CCDC85C: variants seen among roughly 807,000 people sequenced by gnomAD.
The protein encoded by CCDC85C is coiled-coil domain-containing protein 85C.
A neutral mutation model predicts 38.3 loss-of-function variants in CCDC85C; 18 were observed. That is an observed-to-expected ratio of 0.47 (90% CI 0.33 to 0.70). The LOEUF is 0.70. Ranked by LOEUF, CCDC85C falls within the 30% of genes least tolerant of loss-of-function variation. The pLI is 0.03. For missense variants in CCDC85C, 566 were observed against 621.2 expected, an observed-to-expected ratio of 0.91 and a Z score of 0.94; for synonymous variants, 264 against 293.8, an observed-to-expected ratio of 0.90 and a Z score of 1.04.
intron 1 of CCDC85C, among the ~76,000 whole-genome samples, chr14:99,550,494 TTAGGCCACC>T (rs1897887328): frequency 6.6e-6 from 1 of 152,148 alleles, no homozygotes; most frequent in African/African-American, 2.4e-5. Flanking sequence ...TGTGTGTTGT[TTAGGCCACC>T]AGGGTGTAGT....
chr14:99,570,244 C>T (rs1238035007), intron 1 of CCDC85C, among the ~76,000 whole-genome samples: 2 of 152,212 alleles, frequency 1.3e-5, no homozygotes, highest in African/African-American at 4.8e-5. Context: ...GAAAGAGGCA[C>T]AGAGAAGTTC....
At chr14:99,525,998 C>T (rs1897377549) in intron 2 of CCDC85C, among the ~76,000 whole-genome samples, 1 of 152,228 alleles carries the variant, frequency 6.6e-6, no homozygotes, top group Non-Finnish European at 1.5e-5. Context: ...GGCCAGGGTC[C>T]AGGACCACAG....
chr14:99,568,250 A>ATT (rs3070390), intron 1 of CCDC85C, among the ~76,000 whole-genome samples: 5 of 126,928 alleles, frequency 3.9e-5, no homozygotes, highest in African/African-American at 6.0e-5. Flanking sequence ...CCTGCCCTTT[A>ATT]TTTTTTTTTT....
Position 99,555,590 on chromosome 14 carries a change from G to T in CCDC85C, c.794-19502C>A, listed in dbSNP as rs542753380. On this transcript the variant is annotated intron_variant, in intron 1 of 5. Transcript: ENST00000380243. ...AATCCTGAGTCCACGCTGATAAAAA[G>T]GCATCCATACATAGCTCACTGAGGG... Among the ~76,000 whole-genome samples the T allele has an allele frequency of 5.0e-4, 76 of 152,304 alleles. 1 individual carries two copies. Among genetic ancestry groups the T allele is most frequent in the African/African-American group, 1.8e-3 (74 of 41,564 alleles).
intron 1 of CCDC85C, among the ~76,000 whole-genome samples, chr14:99,564,129 T>G: frequency 6.6e-6 from 1 of 152,248 alleles, no homozygotes; most frequent in East Asian, 1.9e-4. Flanking sequence ...AGGCTGGACC[T>G]CACTCCCATT....
In CCDC85C at chr14:99,576,222, A is replaced by G. The variant is rs986610014; in HGVS notation, c.793+26945T>C. Among the ~76,000 whole-genome samples, 1 of 152,236 alleles carries G rather than the reference A, an allele frequency of 6.6e-6. No individual in the cohort carries two copies. Among genetic ancestry groups the G allele is most frequent in the East Asian group, 1.9e-4 (1 of 5,184 alleles). On this transcript the variant is annotated intron_variant, in intron 1 of 5. Transcript: ENST00000380243. The surrounding 1 kb of genome is among the most constrained non-coding windows in gnomAD (Gnocchi z 4.8). ...TGGGTGAGGATTTCAAGAGCCCTTC[A>G]GTAAAACTCAGAGCATGGCTGCTTT...
At chr14:99,530,503 C>T (rs1173867239) in intron 2 of CCDC85C, among the ~76,000 whole-genome samples, 1 of 152,196 alleles carries the variant, frequency 6.6e-6, no homozygotes, top group Non-Finnish European at 1.5e-5. Flanking sequence ...GGGCTCAGGA[C>T]AGCCCATCCT....
chr14:99,537,011 G>A (rs1168705272), intron 1 of CCDC85C, among the ~76,000 whole-genome samples: 1 of 152,170 alleles, frequency 6.6e-6, no homozygotes, highest in Non-Finnish European at 1.5e-5. Flanking sequence ...CACAGGCCGG[G>A]GGACCACCCA....
rs1310361272 is a variant in CCDC85C at position 99,603,877 on chromosome 14, T to C, written c.83A>G (p.Lys28Arg). The C allele has an allele frequency of 2.0e-6, 3 of 1,512,016 alleles. No individual in the cohort carries two copies. The highest frequency in any genetic ancestry group is 2.6e-6 in the Non-Finnish European group (3 of 1,136,530). 93.7% of individuals were successfully genotyped at this position (1,512,016 alleles called of 1,614,324 possible). The change falls in exon 1 of 6, where the codon AAG becomes AGG. Residue 28 changes from lysine to arginine, a missense_variant. Coordinates refer to ENST00000380243, the MANE Select transcript of CCDC85C (RefSeq NM_001144995.2). The surrounding 1 kb of genome is among the most constrained non-coding windows in gnomAD (Gnocchi z 7.5). ...VPDEELLRWSKEELARRLRRA... is the reference protein window; with the variant it reads ...VPDEELLRWSREELARRLRRA... The stretch of plus-strand genomic sequence containing the variant: ...CCGCAGCCGCCGCGCCAGCTCCTCC[T>C]TGCTCCAGCGCAGCAGCTCCTCGTC...
chr14:99,503,096 T>C lies in CCDC85C; in HGVS notation c.*12150A>G. On this transcript the variant is annotated 3_prime_UTR_variant, in exon 6 of 6. Transcript: ENST00000380243. ...CAGGGAACACCGGAAGCAGGGGGTGTTCGCCGAAACTCGCAGTCCGACTGC... is the reference window on the plus strand; with the variant it reads ...CAGGGAACACCGGAAGCAGGGGGTGCTCGCCGAAACTCGCAGTCCGACTGC... The C allele has an allele frequency of 7.9e-7, 1 of 1,264,266 alleles. No individual in the cohort carries two copies. Among genetic ancestry groups the C allele is most frequent in the Non-Finnish European group, 1.2e-6 (1 of 866,912 alleles). The allele number at this position is 1,264,266 out of a possible 1,614,324, so 78.3% of individuals were successfully genotyped here.
intron 1 of CCDC85C, among the ~76,000 whole-genome samples, chr14:99,579,738 G>A (rs866541292): frequency 2.6e-5 from 4 of 152,058 alleles, no homozygotes; most frequent in Non-Finnish European, 2.9e-5. Context: ...CCAGGGCAGC[G>A]GGGGAGAGGT....
chr14:99,509,510 A>ACACGCAGCACG lies in CCDC85C; in HGVS notation c.*5725_*5735dup, dbSNP rs1897062429. 1 of 151,984 alleles carries ACACGCAGCACG rather than the reference A, an allele frequency of 6.6e-6. No individual in the cohort carries two copies. The highest frequency in any genetic ancestry group is 2.5e-5 in the African/African-American group (1 of 40,460). The allele number at this position is 151,984 out of a possible 1,614,324, so 9.4% of individuals were successfully genotyped here. A position where few individuals can be genotyped will look rare whatever the true frequency, so the allele number is the denominator to read the frequency against. The stretch of plus-strand genomic sequence containing the variant: ...CCTGCTGCACACGCAGCACGCACAC[A>ACACGCAGCACG]CACGCAGCACGCACAGACATGCAGC... On this transcript the variant is annotated 3_prime_UTR_variant, in exon 6 of 6. Transcript: ENST00000380243.
At chr14:99,565,146 TG>T (rs1898191292) in intron 1 of CCDC85C, among the ~76,000 whole-genome samples, 1 of 152,152 alleles carries the variant, frequency 6.6e-6, no homozygotes, top group Non-Finnish European at 1.5e-5. Context: ...AACTAAAGCA[TG>T]GCCACTTGGG....
At chr14:99,529,882 C>T (rs1200027063) in intron 2 of CCDC85C, among the ~76,000 whole-genome samples, 1 of 152,220 alleles carries the variant, frequency 6.6e-6, no homozygotes, top group Non-Finnish European at 1.5e-5. Flanking sequence ...CCACCCTTAC[C>T]GCCAACCGCC....
rs565736148 is a variant in CCDC85C at position 99,538,980 on chromosome 14, G to A, written c.794-2892C>T. ...CACAGACAGGTGGCCACACACCCAC[G>A]GCCCCAGACCAAGGGGCTGCCCCTG... On this transcript the variant is annotated intron_variant, in intron 1 of 5. Transcript: ENST00000380243. Among the ~76,000 whole-genome samples, 19 of 152,242 alleles carry A rather than the reference G, an allele frequency of 1.2e-4. No individual in the cohort carries two copies. In the South Asian group the frequency reaches 2.3e-3, roughly 18 times the overall value.
At position 99,604,043 on chromosome 14, in the gene CCDC85C, CGCGGGCGGGGGGCGGCCGGGGGCGCGT is replaced by C; in HGVS notation, c.-111_-85del. 7 of 984,012 alleles carry C rather than the reference CGCGGGCGGGGGGCGGCCGGGGGCGCGT, an allele frequency of 7.1e-6. No individual in the cohort carries two copies. Among genetic ancestry groups the C allele is most frequent in the Non-Finnish European group, 8.4e-6 (7 of 831,346 alleles). 61.0% of individuals were successfully genotyped at this position (984,012 alleles called of 1,614,324 possible). On this transcript the variant is annotated 5_prime_UTR_variant, in exon 1 of 6. Transcript: ENST00000380243. ...CGGGGCTCCGCTGGGCCGGTCCGCG[CGCGGGCGGGGGGCGGCCGGGGGCGCGT>C]GCGGCCCGCCCCGCGCCGCCTGGCG...
In CCDC85C at chr14:99,545,982, G is replaced by A. The variant is rs1406646798; in HGVS notation, c.794-9894C>T. 6.6e-6 allele frequency among the ~76,000 whole-genome samples: 1 copy of A among 151,872 alleles called. No individual in the cohort carries two copies. Among genetic ancestry groups the A allele is most frequent in the African/African-American group, 2.4e-5 (1 of 41,324 alleles). On this transcript the variant is annotated intron_variant, in intron 1 of 5. Coordinates refer to ENST00000380243, the MANE Select transcript of CCDC85C (RefSeq NM_001144995.2). This position sits in a 1 kb window ranked among gnomAD's most constrained non-coding sequence, Gnocchi z 4.7. ...CTGCCCCTGACTATTAATTAGTGGA[G>A]CTGAACTCTGAAGCAAAGGCAAAAA...
In CCDC85C at chr14:99,603,451, CCG is replaced by C; in HGVS notation, c.507_508del (p.Gly170ArgfsTer114). On this transcript the variant is annotated frameshift_variant, in exon 1 of 6. Coordinates refer to ENST00000380243, the MANE Select transcript of CCDC85C (RefSeq NM_001144995.2). LOFTEE classifies it high-confidence loss of function. This position sits in a 1 kb window ranked among gnomAD's most constrained non-coding sequence, Gnocchi z 7.5. ...GCTGCGGGAGCCGGCGCCGCCCCCG[CCG>C]CCGCCGCCACCGCTTGCGGCCCCCG... 1 of 1,274,840 alleles carries C rather than the reference CCG, an allele frequency of 7.8e-7. No individual in the cohort carries two copies. Among genetic ancestry groups the C allele is most frequent in the South Asian group, 2.7e-5 (1 of 37,716 alleles). The allele number at this position is 1,274,840 out of a possible 1,614,324, so 79.0% of individuals were successfully genotyped here. A position where few individuals can be genotyped will look rare whatever the true frequency, so the allele number is the denominator to read the frequency against.
chr14:99,500,720 A>G lies in CCDC85C; in HGVS notation c.*14526T>C. 8.3e-7 allele frequency: 1 copy of G among 1,202,498 alleles called. No individual in the cohort carries two copies. The highest frequency in any genetic ancestry group is 1.2e-6 in the Non-Finnish European group (1 of 828,136). 74.5% of individuals were successfully genotyped at this position (1,202,498 alleles called of 1,614,324 possible). A position where few individuals can be genotyped will look rare whatever the true frequency, so the allele number is the denominator to read the frequency against. ...GCTCACTTTTGTAATGCTGCTTGAG[A>G]CCTGCAATTGTAATTACTGTCCTAA... On this transcript the variant is annotated 3_prime_UTR_variant, in exon 6 of 6. Coordinates refer to ENST00000380243, the MANE Select transcript of CCDC85C (RefSeq NM_001144995.2).
Sources: allele counts gnomAD v4.1 joint callset (sites outside exome capture counted in the v4.1 genomes callset), GRCh38; gene constraint gnomAD v4.1.1; non-coding constraint Gnocchi (gnomAD v3.1); transcripts MANE v1.5; gene names NCBI Gene and HGNC (gene_info 2026-07-23, HGNC 2026-07-21).